The following TRMT11 variants were observed in gnomAD, a reference collection of about 807,000 sequenced individuals.
TRMT11 encodes the protein tRNA (guanine(10)-N(2))-methyltransferase TRMT11.
In TRMT11, 53 loss-of-function variants were observed where a neutral mutation model predicts 62.8. The observed-to-expected ratio is 0.84, with a 90% CI of 0.68 to 1.06. TRMT11 has a LOEUF of 1.06. Among genes scored for constraint, TRMT11 ranks in the 50% least tolerant of loss-of-function variants. The probability of loss-of-function intolerance (pLI) is 0.00; values close to 1 mark genes in which losing one functional copy is unlikely to be tolerated. For missense variants in TRMT11, 556 were observed against 553.4 expected, an observed-to-expected ratio of 1.00 and a Z score of -0.05; for synonymous variants, 188 against 190.3, an observed-to-expected ratio of 0.99 and a Z score of 0.10.
downstream of TRMT11, among the ~76,000 whole-genome samples, chr6:126,041,674 GA>G (rs934601431): frequency 2.6e-5 from 4 of 152,006 alleles, no homozygotes; most frequent in African/African-American, 9.7e-5. Context: ...GTTCTAACAG[GA>G]AAAAAATTCT....
chr6:126,271,322 C>A, the TRMT11 span, among the ~76,000 whole-genome samples: 1 of 136,928 alleles, frequency 7.3e-6, no homozygotes, highest in Admixed American at 8.3e-5. Context: ...CAAAATGGTG[C>A]CACTGCACTG....
chr6:126,203,385 C>T (rs1202022926), downstream of TRMT11, among the ~76,000 whole-genome samples: 1 of 152,128 alleles, frequency 6.6e-6, no homozygotes, highest in East Asian at 1.9e-4. Flanking sequence ...AAGACAGATT[C>T]AAAACACTGA....
chr6:126,105,630 T>C (rs1777456545), intron 17 of TRMT11, among the ~76,000 whole-genome samples: 1 of 152,026 alleles, frequency 6.6e-6, no homozygotes, highest in South Asian at 2.1e-4. Context: ...TTTGATTCTA[T>C]GGATTGAGAT....
the TRMT11 span, among the ~76,000 whole-genome samples, chr6:126,252,670 T>C: frequency 6.6e-6 from 1 of 151,896 alleles, no homozygotes; most frequent in Non-Finnish European, 1.5e-5. Flanking sequence ...AAAAAGCAAA[T>C]AGAGAATAGT....
intron 21 of TRMT11, among the ~76,000 whole-genome samples, chr6:126,125,265 C>T (rs529351502): frequency 5.3e-5 from 8 of 152,076 alleles, no homozygotes; most frequent in African/African-American, 1.9e-4. Flanking sequence ...TTTTTTTCCT[C>T]TTATATGAAG....
chr6:126,242,288 C>T, the TRMT11 span, among the ~76,000 whole-genome samples: 1 of 152,118 alleles, frequency 6.6e-6, no homozygotes, highest in Non-Finnish European at 1.5e-5. Context: ...TAAAAGAGGA[C>T]ACAAACAAAT....
chr6:126,149,922 GT>G (rs1459399227), intron 21 of TRMT11, among the ~76,000 whole-genome samples: 2 of 152,176 alleles, frequency 1.3e-5, no homozygotes, highest in African/African-American at 4.8e-5. Context: ...ATATTTTGTA[GT>G]TTTCACTTGG....
the TRMT11 span, among the ~76,000 whole-genome samples, chr6:126,252,913 C>T: frequency 6.6e-6 from 1 of 152,148 alleles, no homozygotes; most frequent in Admixed American, 6.5e-5. Flanking sequence ...AGGAAAGAAA[C>T]TAACTTTGAT....
At chr6:126,271,699 G>C in the TRMT11 span, among the ~76,000 whole-genome samples, 1 of 152,154 alleles carries the variant, frequency 6.6e-6, no homozygotes, top group Non-Finnish European at 1.5e-5. Context: ...GACTGACACT[G>C]TCATGAAGTG....
chr6:126,201,620 ACTT>A (rs1378533990), intron 3 of TRMT11, among the ~76,000 whole-genome samples: 1 of 151,776 alleles, frequency 6.6e-6, no homozygotes, highest in Admixed American at 6.6e-5. Flanking sequence ...CCACTCATCC[ACTT>A]CTTCAGGCAT....
At chr6:126,169,101 A>ATG (rs1778300890) in intron 21 of TRMT11, among the ~76,000 whole-genome samples, 1 of 152,230 alleles carries the variant, frequency 6.6e-6, no homozygotes, top group Admixed American at 6.5e-5. Flanking sequence ...ATGCAGGTGC[A>ATG]TGTGGTAGCA....
downstream of TRMT11, among the ~76,000 whole-genome samples, chr6:126,208,751 A>C (rs1201914412): frequency 1.3e-5 from 2 of 152,272 alleles, no homozygotes; most frequent in African/African-American, 4.8e-5. Flanking sequence ...AACTTTCTCA[A>C]TCACATAGTT....
intron 21 of TRMT11, among the ~76,000 whole-genome samples, chr6:126,145,509 A>G (rs1193591065): frequency 2.6e-5 from 4 of 152,176 alleles, no homozygotes; most frequent in African/African-American, 9.7e-5. Flanking sequence ...CCCAGTGGAG[A>G]AAAGACAATT....
At chr6:126,196,936 T>C (rs755119551) in intron 1 of TRMT11, among the ~76,000 whole-genome samples, 6 of 152,294 alleles carry the variant, frequency 3.9e-5, no homozygotes, top group Middle Eastern at 3.4e-3. Flanking sequence ...GAAAAAATTT[T>C]AGATATCAAC....
the TRMT11 span, among the ~76,000 whole-genome samples, chr6:126,235,221 A>G: frequency 6.6e-6 from 1 of 152,178 alleles, no homozygotes; most frequent in Non-Finnish European, 1.5e-5. Context: ...TGGCAAGGTT[A>G]TGGAGAAAAA....
intron 1 of TRMT11, among the ~76,000 whole-genome samples, chr6:126,198,390 A>T (rs188828877): frequency 6.6e-6 from 1 of 152,248 alleles, no homozygotes; most frequent in African/African-American, 2.4e-5. Context: ...TTTAAAGGTA[A>T]TTTTAAATGG....
At chr6:126,267,584 C>T in the TRMT11 span, among the ~76,000 whole-genome samples, 1 of 152,166 alleles carries the variant, frequency 6.6e-6, no homozygotes, top group African/African-American at 2.4e-5. Flanking sequence ...ATTTACTCTG[C>T]TAAATTTACC....
the TRMT11 span, among the ~76,000 whole-genome samples, chr6:126,249,050 C>T: frequency 6.6e-6 from 1 of 152,050 alleles, no homozygotes; most frequent in Non-Finnish European, 1.5e-5. Flanking sequence ...TGATCTGACA[C>T]ATCATTCTTT....
rs1469442727 is a variant in TRMT11 at position 126,093,577 on chromosome 6, A to ATATG, written c.*1438-19281_*1438-19278dup. On this transcript the variant is annotated intron_variant and NMD_transcript_variant, in intron 17 of 22. Coordinates refer to the TRMT11 transcript ENST00000648977. ...TTGGTACTCTAGTGTAGGTAACAGG[A>ATATG]TATGTATGTATATATATATATATAT... is the stretch of plus-strand genomic sequence containing the variant. Among the ~76,000 whole-genome samples the ATATG allele has an allele frequency of 1.7e-3, 146 of 83,908 alleles. 3 individuals carry two copies. Among genetic ancestry groups the ATATG allele is most frequent in the African/African-American group, 5.2e-3 (101 of 19,420 alleles). 55.0% of individuals were successfully genotyped at this position (83,908 alleles called of 152,430 possible). A position where few individuals can be genotyped will look rare whatever the true frequency, so the allele number is the denominator to read the frequency against.
Sources: allele counts gnomAD v4.1 joint callset (sites outside exome capture counted in the v4.1 genomes callset), GRCh38; gene constraint gnomAD v4.1.1; transcripts MANE v1.5; gene names NCBI Gene and HGNC (gene_info 2026-07-23, HGNC 2026-07-21).